GPR149: variants seen among roughly 807,000 people sequenced by gnomAD.
The protein encoded by GPR149 is G protein-coupled receptor 149.
A neutral mutation model predicts 50.2 loss-of-function variants in GPR149; 50 were observed. The observed-to-expected ratio is 1.00, with a 90% CI of 0.79 to 1.26. The LOEUF (loss-of-function observed/expected upper bound fraction) is 1.26, where lower values mean the gene tolerates loss of function less well. Among genes scored for constraint, GPR149 ranks in the 50% most tolerant of loss-of-function variants. The pLI is 0.00. For missense variants in GPR149, 983 were observed against 895.4 expected, an observed-to-expected ratio of 1.10 and a Z score of -1.25; for synonymous variants, 405 against 358.2, an observed-to-expected ratio of 1.13 and a Z score of -1.48.
At chr3:154,374,133 T>C (rs1414653837) in intron 3 of GPR149, among the ~76,000 whole-genome samples, 5 of 80,794 alleles carry the variant, frequency 6.2e-5, no homozygotes, top group African/African-American at 2.1e-4. Flanking sequence ...AAGTCTTTTT[T>C]TCCTTCTATT....
At chr3:154,367,900 T>C (rs1448392742) in intron 3 of GPR149, among the ~76,000 whole-genome samples, 1 of 152,184 alleles carries the variant, frequency 6.6e-6, no homozygotes, top group Non-Finnish European at 1.5e-5. Flanking sequence ...GTCCTGTCTT[T>C]CCTTAGAATT....
intron 3 of GPR149, among the ~76,000 whole-genome samples, chr3:154,375,743 G>A (rs1361419994): frequency 6.6e-6 from 1 of 152,162 alleles, no homozygotes; most frequent in Non-Finnish European, 1.5e-5. Context: ...GGTGGTCTGT[G>A]AGGGTGTTTC....
At chr3:154,365,865 A>G (rs1414768976) in intron 3 of GPR149, among the ~76,000 whole-genome samples, 1 of 152,152 alleles carries the variant, frequency 6.6e-6, no homozygotes, top group African/African-American at 2.4e-5. Flanking sequence ...GACCACTTAG[A>G]TAATATCTAA....
intron 3 of GPR149, among the ~76,000 whole-genome samples, chr3:154,375,763 T>A (rs1380302025): frequency 6.6e-6 from 1 of 152,168 alleles, no homozygotes; most frequent in African/African-American, 2.4e-5. Flanking sequence ...CTAGAAGAGA[T>A]GAGCATTTCA....
intron 3 of GPR149, among the ~76,000 whole-genome samples, chr3:154,419,074 C>T (rs1712067487): frequency 6.6e-6 from 1 of 151,756 alleles, no homozygotes; most frequent in Admixed American, 6.6e-5. Context: ...TTGTATTATC[C>T]ATCTTTTACC....
intron 3 of GPR149, among the ~76,000 whole-genome samples, chr3:154,371,838 C>T (rs184842976): frequency 4.6e-5 from 7 of 152,188 alleles, no homozygotes; most frequent in East Asian, 1.9e-4. Context: ...CTAGGCCCTG[C>T]GACAGCCATC....
intron 3 of GPR149, among the ~76,000 whole-genome samples, chr3:154,383,469 A>T (rs1714976535): frequency 1.3e-5 from 2 of 152,166 alleles, no homozygotes; most frequent in African/African-American, 4.8e-5. Context: ...AGTCCTTCAC[A>T]GTGAATATGG....
chr3:154,423,335 C>T (rs139126635), intron 2 of GPR149, among the ~76,000 whole-genome samples: 1 of 151,936 alleles, frequency 6.6e-6, no homozygotes, highest in East Asian at 1.9e-4. Flanking sequence ...CTGAAGATTG[C>T]TTACAGGTAA....
chr3:154,388,230 T>G (rs1033377028), intron 3 of GPR149, among the ~76,000 whole-genome samples: 4 of 152,144 alleles, frequency 2.6e-5, no homozygotes, highest in Non-Finnish European at 4.4e-5. Flanking sequence ...TTACTGTTTT[T>G]TCATCTATAA....
At chr3:154,355,485 TTTCA>T (rs1160563131) in intron 3 of GPR149, among the ~76,000 whole-genome samples, 1 of 152,248 alleles carries the variant, frequency 6.6e-6, no homozygotes, top group East Asian at 1.9e-4. Flanking sequence ...AGACAGGGTT[TTTCA>T]TTCTCTGTTC....
intron 3 of GPR149, among the ~76,000 whole-genome samples, chr3:154,369,886 AGCCAG>A (rs906120582): frequency 6.6e-6 from 1 of 152,206 alleles, no homozygotes; most frequent in African/African-American, 2.4e-5. Context: ...GTGGTACTTT[AGCCAG>A]GTAAATGATC....
At chr3:154,416,073 A>G (rs1711979375) in intron 3 of GPR149, among the ~76,000 whole-genome samples, 1 of 151,940 alleles carries the variant, frequency 6.6e-6, no homozygotes. Context: ...AAACAGCAAT[A>G]CACTGTTCTC....
chr3:154,391,687 A>G (rs917860694), intron 3 of GPR149, among the ~76,000 whole-genome samples: 6 of 151,708 alleles, frequency 4.0e-5, no homozygotes, highest in African/African-American at 1.4e-4. Context: ...ACAAGATCCA[A>G]CTTATATTGG....
intron 3 of GPR149, among the ~76,000 whole-genome samples, chr3:154,404,339 C>T (rs1326974956): frequency 6.6e-6 from 1 of 152,144 alleles, no homozygotes; most frequent in African/African-American, 2.4e-5. Flanking sequence ...CTTTTGCCCA[C>T]ATACTATTGG....
intron 3 of GPR149, among the ~76,000 whole-genome samples, chr3:154,411,930 C>T (rs1711845662): frequency 6.6e-6 from 1 of 152,066 alleles, no homozygotes; most frequent in Non-Finnish European, 1.5e-5. Context: ...CCCTGGTGAA[C>T]ATAGATGCAA....
intron 3 of GPR149, chr3:154,353,795 C>T: frequency 4.3e-6 from 3 of 705,028 alleles, no homozygotes. Context: ...CCTGTCCATG[C>T]TCGAGCTATT....
At chr3:154,415,659 A>G (rs1207868499) in intron 3 of GPR149, among the ~76,000 whole-genome samples, 1 of 151,944 alleles carries the variant, frequency 6.6e-6, no homozygotes, top group Non-Finnish European at 1.5e-5. Context: ...ATATGCATAG[A>G]AAACAGCCAG....
chr3:154,399,977 T>C (rs1046110267), intron 3 of GPR149, among the ~76,000 whole-genome samples: 5 of 152,138 alleles, frequency 3.3e-5, no homozygotes, highest in Admixed American at 2.6e-4. Context: ...ATAATTGTAT[T>C]TGAAATTATT....
intron 3 of GPR149, among the ~76,000 whole-genome samples, chr3:154,405,585 C>CAAAAAAAAA (rs33943436): frequency 1.2e-5 from 1 of 83,466 alleles, no homozygotes. Flanking sequence ...AAGACTCCAT[C>CAAAAAAAAA]AAAAAAAAAA....
Sources: allele counts gnomAD v4.1 joint callset (sites outside exome capture counted in the v4.1 genomes callset), GRCh38; gene constraint gnomAD v4.1.1; transcripts MANE v1.5; gene names NCBI Gene and HGNC (gene_info 2026-07-23, HGNC 2026-07-21).